Variants in TNS3 observed in about 807,000 individuals in gnomAD.
TNS3 encodes tensin-3.
A neutral mutation model predicts 140.9 loss-of-function variants in TNS3; 45 were observed. That is an observed-to-expected ratio of 0.32 (90% CI 0.25 to 0.41). The LOEUF (loss-of-function observed/expected upper bound fraction) is 0.41. Among genes scored for constraint, TNS3 ranks in the 10% least tolerant of loss-of-function variants. The pLI, the probability that TNS3 is intolerant of heterozygous loss-of-function variation, is 1.00. For synonymous variants in TNS3, 815 were observed against 788.4 expected (o/e 1.03, Z -0.56); for missense variants, 1,716 against 1,906.7 (o/e 0.90, Z 1.86).
At chr7:47,569,309 G>A (rs192876363) in intron 1 of TNS3, among the ~76,000 whole-genome samples, 12 of 151,402 alleles carry the variant, frequency 7.9e-5, no homozygotes, top group Admixed American at 2.6e-4. Flanking sequence ...TTGGGAGGCC[G>A]AGGAGGGTGG....
intron 23 of TNS3, among the ~76,000 whole-genome samples, chr7:47,297,547 C>T (rs988337393): frequency 1.3e-5 from 2 of 152,058 alleles, no homozygotes; most frequent in African/African-American, 4.8e-5. Flanking sequence ...TCTGTTAATC[C>T]CACAATACCT....
chr7:47,303,625 C>T, intron 21 of TNS3, 41 bp from the exon 22 acceptor site: 2 of 1,524,730 alleles, frequency 1.3e-6, no homozygotes, highest in Non-Finnish European at 1.8e-6. Context: ...ATGTAAGGTA[C>T]AAAGAGACAC....
At chr7:47,405,371 G>C in intron 13 of TNS3, 1 of 626,142 alleles carries the variant, frequency 1.6e-6, no homozygotes, top group South Asian at 1.9e-5. Context: ...CCAGGCAACT[G>C]TCTACGCAGG....
chr7:47,533,138 T>A (rs1358740952), intron 1 of TNS3, among the ~76,000 whole-genome samples: 38 of 123,418 alleles, frequency 3.1e-4, no homozygotes, highest in African/African-American at 1.1e-3. Flanking sequence ...TTTTTTTTTT[T>A]TTTTTTTTTT....
chr7:47,292,886 C>G lies in TNS3; in HGVS notation c.3792G>C (p.Val1264=). 6.2e-7 allele frequency: 1 copy of G among 1,614,118 alleles called. No individual in the cohort carries two copies. The highest frequency in any genetic ancestry group is 1.1e-5 in the South Asian group (1 of 91,070). The change falls in exon 26 of 31, where the codon GTG becomes GTC. Residue 1264 remains valine, a synonymous_variant. Coordinates refer to ENST00000311160, the MANE Select transcript of TNS3 (RefSeq NM_022748.12). The part of the protein sequence containing the change: ...EPYFGSLTAL[V]CQHSITPLAL... ...CCAAGGGCGTGATGGAATGCTGGCA[C>G]ACCAAGGCCGTCAGGCTCCCTGCAA... is the stretch of plus-strand genomic sequence containing the variant.
chr7:47,293,805 C>T lies in TNS3; in HGVS notation c.3700G>A (p.Val1234Ile), dbSNP rs1031968988. ...KKAGDLANEL[V>I]RHFLIECTPK... is the part of the protein sequence containing the mutation. ...GTACACTCGATCAAAAAGTGCCGGA[C>T]GAGTTCATTGGCCAAATCTCCAGCT... Residue 1234 changes from valine (V) to isoleucine (I), a missense_variant, in exon 25 of 31, where the codon GTC (valine) becomes ATC (isoleucine). By Grantham distance (29) the Val-to-Ile change is conservative. Around this residue, in one of 3 missense-constraint regions of TNS3, gnomAD observed 216 missense variants for 295.7 expected, o/e 0.73. Coordinates refer to ENST00000311160, the MANE Select transcript of TNS3 (RefSeq NM_022748.12). 11 of 1,614,002 alleles carry T rather than the reference C, an allele frequency of 6.8e-6. No homozygotes were observed. The highest frequency in any genetic ancestry group is 4.5e-5 in the East Asian group (2 of 44,894).
intron 1 of TNS3, among the ~76,000 whole-genome samples, chr7:47,551,903 G>C (rs574953605): frequency 8.5e-5 from 13 of 152,154 alleles, no homozygotes; most frequent in African/African-American, 3.1e-4. Context: ...GGGCAGGGGT[G>C]GGGTGGAGAG....
intron 3 of TNS3, among the ~76,000 whole-genome samples, chr7:47,490,117 G>A (rs559553868): frequency 3.3e-5 from 5 of 152,256 alleles, no homozygotes; most frequent in Non-Finnish European, 7.4e-5. Flanking sequence ...TTGATGAACC[G>A]TCTTTTTATT....
chr7:47,494,189 T>C (rs907675368), intron 3 of TNS3, among the ~76,000 whole-genome samples: 1 of 152,182 alleles, frequency 6.6e-6, no homozygotes, highest in Non-Finnish European at 1.5e-5. Context: ...TAAGGATTAC[T>C]CACAAGCCGT....
intron 20 of TNS3, among the ~76,000 whole-genome samples, chr7:47,328,526 C>A (rs907605496): frequency 6.6e-6 from 1 of 151,784 alleles, no homozygotes; most frequent in Non-Finnish European, 1.5e-5. Flanking sequence ...TCCCCTGGGA[C>A]CCCACACTCA....
intron 23 of TNS3, among the ~76,000 whole-genome samples, chr7:47,301,727 C>A (rs1285940023): frequency 6.6e-6 from 1 of 151,622 alleles, no homozygotes; most frequent in Non-Finnish European, 1.5e-5. Flanking sequence ...ACAACCGGGT[C>A]TCATTATTAA....
At chr7:47,468,192 T>C (rs1796801210) in intron 4 of TNS3, among the ~76,000 whole-genome samples, 1 of 152,054 alleles carries the variant, frequency 6.6e-6, no homozygotes, top group Non-Finnish European at 1.5e-5. Flanking sequence ...ACACTTGTAA[T>C]CCCAGCACTT....
chr7:47,543,687 AC>A (rs1799851583), intron 1 of TNS3, among the ~76,000 whole-genome samples: 1 of 130,404 alleles, frequency 7.7e-6, no homozygotes, highest in Non-Finnish European at 1.5e-5. Context: ...TCAGTAGATA[AC>A]GTGATGAATG....
At chr7:47,327,514 C>A (rs909789487) in intron 20 of TNS3, among the ~76,000 whole-genome samples, 3 of 152,190 alleles carry the variant, frequency 2.0e-5, no homozygotes, top group Non-Finnish European at 4.4e-5. Context: ...GGGGCGGTGA[C>A]AGCCCTGGAA....
intron 1 of TNS3, among the ~76,000 whole-genome samples, chr7:47,576,484 C>T (rs1211302029): frequency 6.6e-6 from 1 of 152,232 alleles, no homozygotes; most frequent in East Asian, 1.9e-4. Context: ...GTCACTGCCT[C>T]CTGTGCGTAC....
At chr7:47,395,852 C>G (rs1270686415) in intron 16 of TNS3, among the ~76,000 whole-genome samples, 1 of 152,152 alleles carries the variant, frequency 6.6e-6, no homozygotes, top group Non-Finnish European at 1.5e-5. Flanking sequence ...GAAATTCCAT[C>G]CCACAAGGCC....
chr7:47,512,725 A>G (rs1481546522), intron 2 of TNS3, among the ~76,000 whole-genome samples: 1 of 152,242 alleles, frequency 6.6e-6, no homozygotes, highest in African/African-American at 2.4e-5. Context: ...TGGTTACTCC[A>G]TGAAAAACAT....
chr7:47,502,738 C>T (rs912925018), intron 3 of TNS3, among the ~76,000 whole-genome samples: 1 of 152,170 alleles, frequency 6.6e-6, no homozygotes. Context: ...GACGTAGCAC[C>T]GGGACAGTGG....
At chr7:47,437,755 C>T (rs1267147847) in intron 6 of TNS3, among the ~76,000 whole-genome samples, 2 of 79,734 alleles carry the variant, frequency 2.5e-5, no homozygotes, top group East Asian at 3.4e-4. Context: ...TACACACACA[C>T]ACACACACAC....
Sources: gnomAD v4.1 joint callset for allele counts (sites outside exome capture counted in the v4.1 genomes callset) on GRCh38, gnomAD v4.1.1 for gene constraint, gnomAD v4.1.1 regional missense constraint, MANE v1.5 for transcripts, NCBI Gene and HGNC (gene_info 2026-07-23, HGNC 2026-07-21) for gene names.